Variants in MYO18A observed in about 807,000 individuals in gnomAD.
The protein encoded by MYO18A is myosin XVIIIA, also known as unconventional myosin-XVIIIa.
MYO18A carries 78 observed loss-of-function variants against 235.8 expected under a neutral mutation model. That is an observed-to-expected ratio of 0.33 (90% CI 0.28 to 0.40). The LOEUF is 0.40. Among genes scored for constraint, MYO18A ranks in the 10% least tolerant of loss-of-function variants. The pLI is 1.00. For synonymous variants in MYO18A, 977 were observed against 1,077.8 expected, an observed-to-expected ratio of 0.91 and a Z score of 1.83; for missense variants, 2,215 against 2,699.3, an observed-to-expected ratio of 0.82 and a Z score of 3.98.
intron 1 of MYO18A, among the ~76,000 whole-genome samples, chr17:29,171,098 T>C (rs1310428243): frequency 1.3e-5 from 2 of 152,184 alleles, no homozygotes; most frequent in African/African-American, 2.4e-5. Context: ...TGTATATTGA[T>C]AGCGGTTTGG....
intron 19 of MYO18A, among the ~76,000 whole-genome samples, chr17:29,108,622 C>G (rs1022420970): frequency 4.6e-5 from 7 of 152,200 alleles, no homozygotes; most frequent in African/African-American, 1.7e-4. Context: ...CAATGACGGG[C>G]TAGCTGGCTC....
chr17:29,135,205 A>G (rs2067568609), intron 2 of MYO18A, among the ~76,000 whole-genome samples: 1 of 151,696 alleles, frequency 6.6e-6, no homozygotes, highest in South Asian at 2.1e-4. Flanking sequence ...GGTTCACGCC[A>G]TTCTCCTGCC....
intron 2 of MYO18A, among the ~76,000 whole-genome samples, chr17:29,149,089 C>T (rs1341270582): frequency 6.6e-6 from 1 of 152,210 alleles, no homozygotes; most frequent in Non-Finnish European, 1.5e-5. Flanking sequence ...GCTTTCACCT[C>T]CGCCAGGCCG....
chr17:29,128,182 CGGAGCAGGG>C, intron 2 of MYO18A: 1 of 1,038,980 alleles, frequency 9.6e-7, no homozygotes, highest in Non-Finnish European at 1.2e-6. Flanking sequence ...CAGGCTTAGG[CGGAGCAGGG>C]GGAGGTGGGG....
At chr17:29,168,510 A>G (rs1396795127) in intron 1 of MYO18A, among the ~76,000 whole-genome samples, 1 of 151,734 alleles carries the variant, frequency 6.6e-6, no homozygotes, top group Non-Finnish European at 1.5e-5. Context: ...TGAGTTTCAC[A>G]CAGAGGATCT....
intron 40 of MYO18A, among the ~76,000 whole-genome samples, chr17:29,084,180 G>A (rs188248714): frequency 5.3e-5 from 8 of 152,306 alleles, no homozygotes; most frequent in African/African-American, 1.4e-4. Context: ...GCACACACCA[G>A]TGTGTGTGAG....
In MYO18A at chr17:29,097,913, G is replaced by C. The variant is rs1444727035; in HGVS notation, c.3991-14C>G. The C allele has an allele frequency of 1.9e-6, 3 of 1,606,746 alleles. No individual in the cohort carries two copies. The highest frequency in any genetic ancestry group is 2.7e-5 in the African/African-American group (2 of 74,800). Reference sequence around the variant, plus strand: ...ATCGTACTGGGTCTGCAGAAGACAGGGTTTCAGGGTGTGCCATTCCATCCC... The same window carrying C: ...ATCGTACTGGGTCTGCAGAAGACAGCGTTTCAGGGTGTGCCATTCCATCCC... On this transcript the variant is annotated splice_polypyrimidine_tract_variant and intron_variant, in intron 25 of 41. Coordinates refer to ENST00000527372, the MANE Select transcript of MYO18A (RefSeq NM_078471.4).
chr17:29,109,935 A>G lies in MYO18A; in HGVS notation c.3254T>C (p.Leu1085Pro), dbSNP rs1277104385. 5 of 1,602,972 alleles carry G rather than the reference A, an allele frequency of 3.1e-6. No homozygotes were observed. The highest frequency in any genetic ancestry group is 4.3e-6 in the Non-Finnish European group (5 of 1,175,112). Residue 1085 changes from leucine to proline, a missense_variant, in exon 19 of 42, where the codon CTG (leucine) becomes CCG (proline). Leu to Pro is a moderately conservative substitution (Grantham distance 98). Transcript: ENST00000527372. This position sits in a 1 kb window ranked among gnomAD's most constrained non-coding sequence, Gnocchi z 4.1. The part of the protein sequence containing the change: ...PSGDHCEAGL[L>P]QLDVPLLRTQ... ...GCGGAGCAGGGGCACGTCGAGCTGC[A>G]GGAGCCCAGCCTCGCAGTGGTCTCC...
In MYO18A at chr17:29,121,903, T is replaced by C; in HGVS notation, c.1142A>G (p.Lys381Arg). 3 of 1,613,888 alleles carry C rather than the reference T, an allele frequency of 1.9e-6. No homozygotes were observed. The highest frequency in any genetic ancestry group is 2.5e-6 in the Non-Finnish European group (3 of 1,179,832). ...LNLPEGKVRVKLDHDGAILDV... is the reference protein window; with the variant it reads ...LNLPEGKVRVRLDHDGAILDV... ...CAGGATGGCCCCATCGTGGTCCAGCTTCACACGCACCTTCCCCTCAGGCAA... is the reference window on the plus strand; with the variant it reads ...CAGGATGGCCCCATCGTGGTCCAGCCTCACACGCACCTTCCCCTCAGGCAA... The change falls in exon 4 of 42, where the codon AAG becomes AGG. Residue 381 changes from lysine to arginine, a missense_variant. Lys to Arg is a conservative substitution (Grantham distance 26, BLOSUM62 2). Transcript: ENST00000527372. This position sits in a 1 kb window ranked among gnomAD's most constrained non-coding sequence, Gnocchi z 4.2.
At chr17:29,095,254 A>AG (rs2066493856) in intron 28 of MYO18A, among the ~76,000 whole-genome samples, 195 bp from the exon 29 acceptor site, 1 of 152,194 alleles carries the variant, frequency 6.6e-6, no homozygotes. Flanking sequence ...CTATTGAGCA[A>AG]CTGGGTTGGG....
intron 2 of MYO18A, chr17:29,127,979 T>G (rs2067365763): frequency 2.0e-6 from 2 of 1,004,442 alleles, no homozygotes; most frequent in African/African-American, 3.5e-5. Flanking sequence ...CTTTGGGGCT[T>G]CAGGCTTGGC....
rs188114001 is a variant in MYO18A at position 29,113,299 on chromosome 17, G to A, written c.2598+712C>T. Among the ~76,000 whole-genome samples, 273 of 152,348 alleles carry A rather than the reference G, an allele frequency of 1.8e-3. 3 individuals are homozygous for A. The Middle Eastern group carries it at 0.034, about 19-fold the overall frequency. On this transcript the variant is annotated intron_variant, in intron 15 of 41. Transcript: ENST00000527372. Reference sequence around the variant, plus strand: ...GGTAGGGATCAAAGCAGAGCAGGGAGGTCGGCAGCCTCGCAAAAATGCCAG... The same window carrying A: ...GGTAGGGATCAAAGCAGAGCAGGGAAGTCGGCAGCCTCGCAAAAATGCCAG...
Position 29,121,204 on chromosome 17 carries a change from TGCATCACCTTGGGCAGGAGA to T in MYO18A, c.1372-13_1378del. ...CTCCCGCCGACAACCCTTGAACATG[TGCATCACCTTGGGCAGGAGA>T]GCAAGGGAGAGAAGGGGTTGGCTCT... On this transcript the variant is annotated splice_acceptor_variant and splice_polypyrimidine_tract_variant and coding_sequence_variant and intron_variant, in exon 6 of 42. Transcript: ENST00000527372. LOFTEE classifies it high-confidence loss of function. The surrounding 1 kb of genome is among the most constrained non-coding windows in gnomAD (Gnocchi z 4.2). 1 of 1,605,412 alleles carries T rather than the reference TGCATCACCTTGGGCAGGAGA, an allele frequency of 6.2e-7. No homozygotes were observed. Among genetic ancestry groups the T allele is most frequent in the Non-Finnish European group, 8.5e-7 (1 of 1,176,112 alleles).
rs2067011764 is a variant in MYO18A, at chr17:29,114,587, C to A, written c.2511+320G>T. On this transcript the variant is annotated intron_variant, in intron 14 of 41. Coordinates refer to ENST00000527372, the MANE Select transcript of MYO18A (RefSeq NM_078471.4). ...AGATCAGGGAAGGGAGACGGGAAGG[C>A]CAGGCCCAGACACACTTGGAGCAGG... Among the ~76,000 whole-genome samples the A allele has an allele frequency of 2.6e-5, 4 of 152,314 alleles. No individual in the cohort carries two copies. The South Asian group carries it at 8.3e-4, about 32-fold the overall frequency.
rs753067065 is a variant in MYO18A, at chr17:29,115,401, C to T, written c.2268G>A (p.Ala756=). The part of the protein sequence containing the change: ...LSALECLEGM[A]AGLYSELFTL... ...TGAAGAGCTCGCTGTAGAGGCCGGC[C>T]GCCATGCCCTCAAGGCACTCCAGTG... Residue 756 remains alanine, a synonymous_variant, in exon 13 of 42, where the codon GCG becomes GCA. Transcript: ENST00000527372. 2.7e-5 allele frequency: 44 copies of T among 1,613,824 alleles called. No homozygotes were observed. Among genetic ancestry groups the T allele is most frequent in the South Asian group, 3.3e-5 (3 of 91,088 alleles).
At chr17:29,133,198 A>G (rs998724754) in intron 2 of MYO18A, among the ~76,000 whole-genome samples, 2 of 152,228 alleles carry the variant, frequency 1.3e-5, no homozygotes, top group Non-Finnish European at 2.9e-5. Flanking sequence ...CACTGGGCCC[A>G]GCTCTGAGCT....
rs1424449878 is a variant in MYO18A at position 29,156,175 on chromosome 17, A to G, written c.999+9767T>C. On this transcript the variant is annotated intron_variant, in intron 2 of 41. Coordinates refer to ENST00000527372, the MANE Select transcript of MYO18A (RefSeq NM_078471.4). ...CCCATCCTGCTGACATTCCAGTATGAAGGCAGTTCAGGGAGAGCAGCGGAA... is the reference window on the plus strand; with the variant it reads ...CCCATCCTGCTGACATTCCAGTATGGAGGCAGTTCAGGGAGAGCAGCGGAA... Among the ~76,000 whole-genome samples, 5 of 152,168 alleles carry G rather than the reference A, an allele frequency of 3.3e-5. No individual in the cohort carries two copies. The East Asian group carries it at 9.6e-4, about 29-fold the overall frequency.
At chr17:29,138,824 G>A (rs1393912323) in intron 2 of MYO18A, among the ~76,000 whole-genome samples, 4 of 152,168 alleles carry the variant, frequency 2.6e-5, no homozygotes, top group Non-Finnish European at 4.4e-5. Flanking sequence ...ATGGAGGCAC[G>A]CCCTGCCCTC....
At chr17:29,154,467 C>T (rs916218528) in intron 2 of MYO18A, among the ~76,000 whole-genome samples, 2 of 152,338 alleles carry the variant, frequency 1.3e-5, no homozygotes, top group Non-Finnish European at 1.5e-5. Context: ...CCAGGGCAAT[C>T]GGGGCTCTGC....
Sources: gnomAD v4.1 joint callset for allele counts (sites outside exome capture counted in the v4.1 genomes callset) on GRCh38, gnomAD v4.1.1 for gene constraint, Gnocchi (gnomAD v3.1) non-coding constraint, MANE v1.5 for transcripts, NCBI Gene and HGNC (gene_info 2026-07-23, HGNC 2026-07-21) for gene names.